Variants in FAAH2 observed in about 807,000 individuals in gnomAD.
The protein encoded by FAAH2 is fatty-acid amide hydrolase 2.
In FAAH2, 60 loss-of-function variants were observed where a neutral mutation model predicts 36.9. The observed-to-expected ratio is 1.63, with a 90% CI of 1.32 to 2.02. The LOEUF is 2.02. Ranked by LOEUF, FAAH2 falls within the 30% of genes most tolerant of loss-of-function variation. The pLI is 0.00. For synonymous variants in FAAH2, 214 were observed against 143.8 expected (o/e 1.49, Z -3.49); for missense variants, 689 against 397.5 (o/e 1.73, Z -6.23).
the FAAH2 span, among the ~76,000 whole-genome samples, chrX:57,204,537 G>A: frequency 8.9e-6 from 1 of 111,757 alleles, no homozygotes; most frequent in Non-Finnish European, 1.9e-5. Flanking sequence ...GTTTCAGGTG[G>A]CTTGATGGTA....
the FAAH2 span, among the ~76,000 whole-genome samples, chrX:57,255,295 A>T: frequency 3.6e-5 from 4 of 111,871 alleles, no homozygotes; most frequent in South Asian, 1.1e-3. Flanking sequence ...TAGCCTACCA[A>T]CCAAAAAAAG....
At chrX:57,423,763 T>G (rs2056093387) in intron 7 of FAAH2, among the ~76,000 whole-genome samples, 1 of 111,179 alleles carries the variant, frequency 9.0e-6, no homozygotes. Context: ...CCAGTCCCAC[T>G]CAGCTTTGCC....
In FAAH2 at chrX:57,308,267, C is replaced by A. The variant is rs762736707; in HGVS notation, c.276-2326C>A. 3.6e-5 allele frequency among the ~76,000 whole-genome samples: 4 copies of A among 111,559 alleles called. No individual in the cohort carries two copies. The East Asian group carries it at 1.1e-3, about 31-fold the overall frequency. Reference sequence around the variant, plus strand: ...TAATTTACATTCCCATCAACATTCCCTTTTCTCTGCAGCTTCACCGGTATC... The same window carrying A: ...TAATTTACATTCCCATCAACATTCCATTTTCTCTGCAGCTTCACCGGTATC... On this transcript the variant is annotated intron_variant, in intron 2 of 10. Transcript: ENST00000374900.
At chrX:57,228,116 T>C in the FAAH2 span, among the ~76,000 whole-genome samples, 3 of 112,173 alleles carry the variant, frequency 2.7e-5, no homozygotes, top group Non-Finnish European at 3.8e-5. Context: ...ACCTGTGAAG[T>C]CTGCAAACTG....
At chrX:57,137,462 C>G in the FAAH2 span, 13 of 496,377 alleles carry the variant, frequency 2.6e-5, no homozygotes, top group Non-Finnish European at 3.0e-5. Flanking sequence ...TGGCGGCCAC[C>G]CCTCAGCCAC....
At chrX:57,143,401 T>A in the FAAH2 span, among the ~76,000 whole-genome samples, 1 of 111,007 alleles carries the variant, frequency 9.0e-6, no homozygotes, top group Non-Finnish European at 1.9e-5. Context: ...TGCTACACTT[T>A]AACTCCATCC....
chrX:57,209,457 G>A, the FAAH2 span, among the ~76,000 whole-genome samples: 3 of 111,134 alleles, frequency 2.7e-5, no homozygotes, highest in East Asian at 5.7e-4. Flanking sequence ...TTATCAGGGA[G>A]TGTCTAGAAA....
the FAAH2 span, among the ~76,000 whole-genome samples, chrX:57,236,434 C>T: frequency 1.8e-5 from 2 of 112,257 alleles, no homozygotes; most frequent in South Asian, 3.7e-4. Context: ...TCCATAATGG[C>T]CAGGCTAGTC....
At chrX:57,224,145 T>C in the FAAH2 span, among the ~76,000 whole-genome samples, 51,295 of 110,112 alleles carry the variant, frequency 0.47, 11,768 homozygotes, top group African/African-American at 0.89. Flanking sequence ...ATATTACCTC[T>C]CCTCCTTAAT....
At chrX:57,236,206 T>A in the FAAH2 span, among the ~76,000 whole-genome samples, 5 of 112,450 alleles carry the variant, frequency 4.4e-5, no homozygotes, top group Non-Finnish European at 7.5e-5. Flanking sequence ...AGCATACCAC[T>A]GTGTATGTAT....
intron 4 of FAAH2, 77 bp downstream of exon 4, chrX:57,331,884 A>G: frequency 1.0e-6 from 1 of 992,807 alleles, no homozygotes; most frequent in Non-Finnish European, 1.4e-6. Flanking sequence ...TAAACATGAT[A>G]CAGTATAGCA....
At chrX:57,259,337 A>G in the FAAH2 span, among the ~76,000 whole-genome samples, 1 of 111,946 alleles carries the variant, frequency 8.9e-6, no homozygotes, top group Non-Finnish European at 1.9e-5. Flanking sequence ...AATAGCTAAG[A>G]TATGGAAAAC....
intron 3 of FAAH2, among the ~76,000 whole-genome samples, chrX:57,321,004 G>T (rs934735613): frequency 3.6e-5 from 4 of 110,177 alleles, no homozygotes. Flanking sequence ...GCTGGGTGTG[G>T]TGGTGGGCGC....
chrX:57,372,849 T>C (rs1473282131), intron 5 of FAAH2, among the ~76,000 whole-genome samples: 1 of 110,420 alleles, frequency 9.1e-6, no homozygotes, highest in East Asian at 2.8e-4. Context: ...CTGTACCCAG[T>C]ATATAGATTT....
chrX:57,325,395 A>C, intron 3 of FAAH2, among the ~76,000 whole-genome samples: 1 of 111,572 alleles, frequency 9.0e-6, no homozygotes, highest in Admixed American at 9.5e-5. Context: ...TATTGATTGG[A>C]ATAGTTTCAG....
chrX:57,393,072 C>T (rs2055204961), intron 7 of FAAH2: 1 of 918,703 alleles, frequency 1.1e-6, no homozygotes, highest in South Asian at 2.0e-5. Context: ...GGTACCCTTG[C>T]CCCCTTCTGC....
chrX:57,215,861 A>C, the FAAH2 span, among the ~76,000 whole-genome samples: 1 of 103,962 alleles, frequency 9.6e-6, no homozygotes, highest in African/African-American at 3.5e-5. Flanking sequence ...AATAGCTAAA[A>C]ACCTAGATGA....
chrX:57,436,825 C>A (rs12844528), intron 8 of FAAH2, among the ~76,000 whole-genome samples: 6 of 110,910 alleles, frequency 5.4e-5, no homozygotes, highest in African/African-American at 2.0e-4. Context: ...ATAAACAGTT[C>A]TTTTGAAATT....
the FAAH2 span, among the ~76,000 whole-genome samples, chrX:57,139,527 C>T: frequency 9.0e-6 from 1 of 111,342 alleles, no homozygotes; most frequent in Admixed American, 9.6e-5. Flanking sequence ...AATCTTGGCT[C>T]ACTGCGAGCT....
Sources: allele counts gnomAD v4.1 joint callset (sites outside exome capture counted in the v4.1 genomes callset), GRCh38; gene constraint gnomAD v4.1.1; transcripts MANE v1.5; gene names NCBI Gene and HGNC (gene_info 2026-07-23, HGNC 2026-07-21).